Variants in SMG7 observed in about 807,000 individuals in gnomAD.
The protein encoded by SMG7 is SMG7 nonsense mediated mRNA decay factor.
SMG7 carries 34 observed loss-of-function variants against 148.2 expected under a neutral mutation model. The observed-to-expected ratio is 0.23, with a 90% CI of 0.17 to 0.31. The LOEUF is 0.31. SMG7 is among the 10% of genes least tolerant of loss of function. SMG7 has a pLI of 1.00. For synonymous variants in SMG7, 492 were observed against 515.1 expected, an observed-to-expected ratio of 0.96 and a Z score of 0.61; for missense variants, 1,114 against 1,408.4, an observed-to-expected ratio of 0.79 and a Z score of 3.35.
intron 1 of SMG7, among the ~76,000 whole-genome samples, chr1:183,501,911 G>A (rs1481731256): frequency 6.6e-6 from 1 of 152,038 alleles, no homozygotes; most frequent in Non-Finnish European, 1.5e-5. Flanking sequence ...TCAGTAAGGA[G>A]TCCATCTGCT....
chr1:183,552,514 C>T lies in SMG7; in HGVS notation c.*583C>T. 1.0e-6 allele frequency: 1 copy of T among 997,964 alleles called. No individual in the cohort carries two copies. Among genetic ancestry groups the T allele is most frequent in the Non-Finnish European group, 1.2e-6 (1 of 837,032 alleles). 61.8% of individuals were successfully genotyped at this position (997,964 alleles called of 1,614,324 possible). A position where few individuals can be genotyped will look rare whatever the true frequency, so the allele number is the denominator to read the frequency against. ...TGCTCCTGTGAGAGGTTGGTGGTGA[C>T]AGGATGGGGAACCGACCTCTTCAGC... On this transcript the variant is annotated 3_prime_UTR_variant, in exon 23 of 23. Coordinates refer to ENST00000688051, the MANE Select transcript of SMG7 (RefSeq NM_001375584.1).
In SMG7 at chr1:183,517,720, C is replaced by T; in HGVS notation, c.212C>T (p.Thr71Ile). 1.2e-6 allele frequency: 2 copies of T among 1,613,948 alleles called. No individual in the cohort carries two copies. The highest frequency in any genetic ancestry group is 1.7e-6 in the Non-Finnish European group (2 of 1,179,850). Residue 71 changes from threonine (T) to isoleucine (I), a missense_variant, in exon 4 of 23, where the codon ACA (threonine) becomes ATA (isoleucine). Thr to Ile is a moderately conservative substitution (Grantham distance 89). Transcript: ENST00000688051. ...WNHAFKNQIT[T>I]LQGQAKNRAN... Reference sequence around the variant, plus strand: ...CACGCCTTTAAGAATCAGATCACAACACTGCAAGGCCAGGCAAAGAATCGA... The same window carrying T: ...CACGCCTTTAAGAATCAGATCACAATACTGCAAGGCCAGGCAAAGAATCGA...
chr1:183,532,779 T>C (rs1385092086), intron 8 of SMG7, among the ~76,000 whole-genome samples: 3 of 152,172 alleles, frequency 2.0e-5, no homozygotes, highest in Non-Finnish European at 4.4e-5. Context: ...TTTCTAGTCA[T>C]TTGTCCCAAC....
rs1274193670 is a variant in SMG7, at chr1:183,546,140, A to G, written c.2545A>G (p.Met849Val). Residue 849 changes from methionine (M) to valine (V), a missense_variant, in exon 17 of 23, where the codon ATG (methionine) becomes GTG (valine). Physicochemically the swap from Met to Val is conservative, Grantham distance 21. This residue lies in a region of SMG7 where 788 missense variants were observed against 894.5 expected (regional missense o/e 0.88). Transcript: ENST00000688051. ...GCAGCAGCAGCCTCTAGAAAAAAAA[A>G]TGAAGCCTTTTCCCATGGAGCCATA... Reference protein sequence around the residue: ...VMQQQPLEKKMKPFPMEPYNH... With the variant: ...VMQQQPLEKKVKPFPMEPYNH... The G allele has an allele frequency of 6.2e-7, 1 of 1,614,072 alleles. No individual in the cohort carries two copies. Among genetic ancestry groups the G allele is most frequent in the Non-Finnish European group, 8.5e-7 (1 of 1,179,998 alleles).
At position 183,554,157 on chromosome 1, in the gene SMG7, C is replaced by T. The variant is rs532674329; in HGVS notation, c.*2226C>T. ...AAGACCTGCAGCTGCTGAAAATCAG[C>T]TTTGCCTTTAATTAAACCATGTTCT... On this transcript the variant is annotated 3_prime_UTR_variant, in exon 23 of 23. Coordinates refer to ENST00000688051, the MANE Select transcript of SMG7 (RefSeq NM_001375584.1). 7.2e-5 allele frequency: 11 copies of T among 152,696 alleles called. No homozygotes were observed. In the South Asian group the frequency reaches 1.9e-3, roughly 26 times the overall value. 9.5% of individuals were successfully genotyped at this position (152,696 alleles called of 1,614,324 possible). A position where few individuals can be genotyped will look rare whatever the true frequency, so the allele number is the denominator to read the frequency against.
At chr1:183,528,787 A>C in intron 6 of SMG7, 105 bp from the exon 7 acceptor site, 1 of 1,030,158 alleles carries the variant, frequency 9.7e-7, no homozygotes, top group Non-Finnish European at 1.4e-6. Flanking sequence ...TACCTTATAA[A>C]AATACTCCCC....
At chr1:183,492,745 A>G (rs770848039) in intron 1 of SMG7, among the ~76,000 whole-genome samples, 13 of 151,940 alleles carry the variant, frequency 8.6e-5, no homozygotes, top group Non-Finnish European at 1.6e-4. Flanking sequence ...TTTGGATTTA[A>G]TATGCTGTTC....
intron 1 of SMG7, among the ~76,000 whole-genome samples, chr1:183,474,875 G>A (rs140952683): frequency 4.6e-5 from 7 of 152,200 alleles, no homozygotes; most frequent in Non-Finnish European, 1.5e-5. Context: ...TGAGAAGCGG[G>A]GAATTCCAAA....
chr1:183,474,682 C>T (rs560954686), intron 1 of SMG7, among the ~76,000 whole-genome samples: 1 of 152,362 alleles, frequency 6.6e-6, no homozygotes, highest in African/African-American at 2.4e-5. Context: ...TTTGCTCATT[C>T]ATGTACTCAT....
chr1:183,509,232 A>C (rs1661625250), intron 1 of SMG7, among the ~76,000 whole-genome samples: 1 of 152,200 alleles, frequency 6.6e-6, no homozygotes, highest in African/African-American at 2.4e-5. Context: ...TTCGAGTATA[A>C]AATTTATTTC....
intron 1 of SMG7, among the ~76,000 whole-genome samples, chr1:183,477,399 T>TGG (rs71130619): frequency 3.8e-5 from 2 of 52,744 alleles, no homozygotes; most frequent in East Asian, 1.6e-3. Context: ...TGTTTTGTTT[T>TGG]GTGTGTGTGT....
chr1:183,505,722 A>G (rs573241455), intron 1 of SMG7, among the ~76,000 whole-genome samples: 9 of 152,346 alleles, frequency 5.9e-5, no homozygotes, highest in African/African-American at 1.9e-4. Context: ...CCTGAACACT[A>G]TCTTTTTTGC....
rs1671251825 is a variant in SMG7 at position 183,552,702 on chromosome 1, G to A, written c.*771G>A. On this transcript the variant is annotated 3_prime_UTR_variant, in exon 23 of 23. Coordinates refer to ENST00000688051, the MANE Select transcript of SMG7 (RefSeq NM_001375584.1). The stretch of plus-strand genomic sequence containing the variant: ...TGGTGGTGCTGGGCTGGACTAGCAG[G>A]TAGACTGCTGTAGGATTTCAAATTA... The A allele has an allele frequency of 5.6e-6, 7 of 1,245,892 alleles. No individual in the cohort carries two copies. Among genetic ancestry groups the A allele is most frequent in the Non-Finnish European group, 6.1e-6 (6 of 986,500 alleles). 77.2% of individuals were successfully genotyped at this position (1,245,892 alleles called of 1,614,324 possible). A position where few individuals can be genotyped will look rare whatever the true frequency, so the allele number is the denominator to read the frequency against.
At chr1:183,475,487 T>A (rs1557931487) in intron 1 of SMG7, among the ~76,000 whole-genome samples, 1 of 152,236 alleles carries the variant, frequency 6.6e-6, no homozygotes, top group Non-Finnish European at 1.5e-5. Context: ...AGAATTAATA[T>A]GTTCACAGCT....
At chr1:183,529,603 C>A in intron 8 of SMG7, 70 bp downstream of exon 8, 1 of 1,312,756 alleles carries the variant, frequency 7.6e-7, no homozygotes, top group Non-Finnish European at 1.1e-6. Context: ...AGGAAACTGA[C>A]TCCCAGTTTT....
chr1:183,521,185 G>A (rs1394724292), intron 4 of SMG7, among the ~76,000 whole-genome samples: 1 of 150,806 alleles, frequency 6.6e-6, no homozygotes, highest in Non-Finnish European at 1.5e-5. Flanking sequence ...TGCAACCTCC[G>A]CCTCCTGGGT....
chr1:183,502,748 T>A (rs1158225697), intron 1 of SMG7, among the ~76,000 whole-genome samples: 1 of 152,220 alleles, frequency 6.6e-6, no homozygotes, highest in Non-Finnish European at 1.5e-5. Flanking sequence ...TGTGGTTTTT[T>A]TACATACTTA....
intron 1 of SMG7, among the ~76,000 whole-genome samples, chr1:183,497,813 A>G (rs570530836): frequency 2.2e-4 from 33 of 152,044 alleles, no homozygotes; most frequent in South Asian, 6.2e-4. Flanking sequence ...TCATGATCCC[A>G]CCTGCCTCGG....
In SMG7 at chr1:183,552,329, T is replaced by C. The variant is rs1369560305; in HGVS notation, c.*398T>C. The C allele has an allele frequency of 4.0e-6, 4 of 997,312 alleles. No individual in the cohort carries two copies. Among genetic ancestry groups the C allele is most frequent in the South Asian group, 4.6e-5 (1 of 21,666 alleles). 61.8% of individuals were successfully genotyped at this position (997,312 alleles called of 1,614,324 possible). ...CTTTTTTCCTCTTTGGGGAATAAAA[T>C]AGGAATCCATTAATGATTGCTTTGC... On this transcript the variant is annotated 3_prime_UTR_variant, in exon 23 of 23. Coordinates refer to ENST00000688051, the MANE Select transcript of SMG7 (RefSeq NM_001375584.1).
Sources: allele counts gnomAD v4.1 joint callset (sites outside exome capture counted in the v4.1 genomes callset), GRCh38; gene constraint gnomAD v4.1.1; regional missense constraint gnomAD v4.1.1; transcripts MANE v1.5; gene names NCBI Gene and HGNC (gene_info 2026-07-23, HGNC 2026-07-21).